Variants in COL11A1 observed in about 807,000 individuals in gnomAD.
COL11A1 encodes collagen type XI alpha 1 chain.
Under a neutral mutation model 265.2 loss-of-function variants are expected in COL11A1, and 74 were observed. The ratio of observed to expected loss-of-function variants is 0.28; its 90% CI spans 0.23 to 0.34. COL11A1 has a LOEUF of 0.34. COL11A1 is among the 10% of genes least tolerant of loss of function. COL11A1 has a pLI of 1.00. For synonymous variants in COL11A1, 816 were observed against 727.6 expected, an observed-to-expected ratio of 1.12 and a Z score of -1.96; for missense variants, 2,165 against 2,263.6, an observed-to-expected ratio of 0.96 and a Z score of 0.88.
At chr1:102,943,333 C>T (rs1379821100) in intron 42 of COL11A1, among the ~76,000 whole-genome samples, 1 of 151,844 alleles carries the variant, frequency 6.6e-6, no homozygotes, top group Non-Finnish European at 1.5e-5. Context: ...ATCCCAGTCT[C>T]TTTATTTCTT....
At chr1:102,977,568 G>A (rs1238849980) in intron 35 of COL11A1, among the ~76,000 whole-genome samples, 2 of 150,226 alleles carry the variant, frequency 1.3e-5, no homozygotes, top group African/African-American at 4.8e-5. Flanking sequence ...ATGCATGAGA[G>A]AATCAGTGGT....
chr1:103,100,646 A>G (rs1382114675), intron 1 of COL11A1: 1 of 151,928 alleles, frequency 6.6e-6, no homozygotes, highest in Non-Finnish European at 1.5e-5. Context: ...TAGCTGCATG[A>G]TGTGTACATT....
chr1:103,058,728 T>G (rs138945786), intron 4 of COL11A1, among the ~76,000 whole-genome samples: 101 of 152,282 alleles, frequency 6.6e-4, no homozygotes, highest in Admixed American at 1.6e-3. Flanking sequence ...GTTGAGCCAG[T>G]TGAGCAGTCA....
At chr1:103,011,744 T>G (rs1343720343) in intron 14 of COL11A1, among the ~76,000 whole-genome samples, 1 of 152,162 alleles carries the variant, frequency 6.6e-6, no homozygotes, top group South Asian at 2.1e-4. Flanking sequence ...AAATTATTTA[T>G]CCATCTATTC....
Position 103,074,277 on chromosome 1 carries a change from C to A in COL11A1, c.651+341G>T, listed in dbSNP as rs192285294. ...CTTGCGCATCTCTCTAAATTAACCT[C>A]CCATAGAATGAAATGAAGAAAATGT... On this transcript the variant is annotated intron_variant, in intron 4 of 66. Coordinates refer to ENST00000370096, the MANE Select transcript of COL11A1 (RefSeq NM_001854.4). Among the ~76,000 whole-genome samples, 7 of 152,134 alleles carry A rather than the reference C, an allele frequency of 4.6e-5. No homozygotes were observed. The East Asian group carries it at 1.4e-3, about 29-fold the overall frequency.
At chr1:103,030,165 A>G (rs1172151248) in intron 5 of COL11A1, among the ~76,000 whole-genome samples, 3 of 152,116 alleles carry the variant, frequency 2.0e-5, no homozygotes, top group African/African-American at 7.2e-5. Context: ...AAACAGGTAA[A>G]TAAAATATCC....
chr1:103,004,662 C>T lies in COL11A1; in HGVS notation c.1846-1G>A. The T allele has an allele frequency of 6.2e-7, 1 of 1,608,562 alleles. No homozygotes were observed. The stretch of plus-strand genomic sequence containing the variant: ...GAGGACCTTGAGGACCTCGTTCACC[C>T]TGTTAAATCAATACAAATAAGATTA... On this transcript the variant is annotated splice_acceptor_variant, in intron 18 of 66. Coordinates refer to ENST00000370096, the MANE Select transcript of COL11A1 (RefSeq NM_001854.4). LOFTEE classifies it high-confidence loss of function.
chr1:102,909,627 A>G (rs1466346342), intron 54 of COL11A1, among the ~76,000 whole-genome samples: 1 of 152,104 alleles, frequency 6.6e-6, no homozygotes, highest in African/African-American at 2.4e-5. Context: ...CTCATGTTTT[A>G]AAATTATATC....
chr1:102,972,634 A>C (rs763272532), intron 36 of COL11A1, among the ~76,000 whole-genome samples: 12 of 152,112 alleles, frequency 7.9e-5, no homozygotes, highest in Non-Finnish European at 1.6e-4. Context: ...AAAAGTAATA[A>C]TTTTTTCATC....
At chr1:102,914,213 C>A in intron 52 of COL11A1, 139 bp downstream of exon 52, 1 of 722,570 alleles carries the variant, frequency 1.4e-6, no homozygotes, top group South Asian at 1.8e-5. Flanking sequence ...CCTGCATTTG[C>A]AATTACTTTT....
chr1:103,106,084 T>C (rs1674668277), intron 1 of COL11A1, among the ~76,000 whole-genome samples: 1 of 152,198 alleles, frequency 6.6e-6, no homozygotes. Context: ...TTATTTGATG[T>C]GGTACTGGGA....
intron 4 of COL11A1, among the ~76,000 whole-genome samples, chr1:103,052,049 C>T (rs111705901): frequency 0.041 from 6,258 of 152,202 alleles, 221 homozygotes; most frequent in African/African-American, 0.092. Flanking sequence ...GTTCCTCCCT[C>T]CCATTACCTC....
chr1:102,914,317 C>T lies in COL11A1; in HGVS notation c.3978+35G>A, dbSNP rs771902447. The stretch of plus-strand genomic sequence containing the variant: ...AATACAGAAATTGGAAACATTCACT[C>T]CAAAATAATTTCTTGATTTTTCCCT... On this transcript the variant is annotated intron_variant, in intron 52 of 66. Coordinates refer to ENST00000370096, the MANE Select transcript of COL11A1 (RefSeq NM_001854.4). 5 of 1,531,686 alleles carry T rather than the reference C, an allele frequency of 3.3e-6. No homozygotes were observed. The Admixed American group carries it at 8.4e-5, about 26-fold the overall frequency. 94.9% of individuals were successfully genotyped at this position (1,531,686 alleles called of 1,614,324 possible). A position where few individuals can be genotyped will look rare whatever the true frequency, so the allele number is the denominator to read the frequency against.
intron 49 of COL11A1, among the ~76,000 whole-genome samples, chr1:102,919,124 C>A (rs1382669424): frequency 1.3e-5 from 2 of 151,412 alleles, no homozygotes; most frequent in African/African-American, 4.8e-5. Flanking sequence ...TTTTCTAGGA[C>A]AACTGAATGG....
intron 50 of COL11A1, 101 bp from the exon 51 acceptor site, chr1:102,914,912 A>T: frequency 1.0e-6 from 1 of 966,112 alleles, no homozygotes; most frequent in Non-Finnish European, 1.6e-6. Flanking sequence ...GGGCCAGAAT[A>T]TATTTTTTTT....
At chr1:102,955,373 T>C (rs1267923997) in intron 41 of COL11A1, among the ~76,000 whole-genome samples, 1 of 152,098 alleles carries the variant, frequency 6.6e-6, no homozygotes, top group African/African-American at 2.4e-5. Flanking sequence ...CATGGGGGGA[T>C]GGTCACATAA....
At chr1:102,957,455 T>C (rs1352480592) in intron 41 of COL11A1, among the ~76,000 whole-genome samples, 1 of 151,986 alleles carries the variant, frequency 6.6e-6, no homozygotes, top group Non-Finnish European at 1.5e-5. Context: ...ATTTATTATT[T>C]CCCTAGCAAT....
In COL11A1 at chr1:102,977,885, C is replaced by T. The variant is rs80344411; in HGVS notation, c.2754+823G>A. On this transcript the variant is annotated intron_variant, in intron 35 of 66. Coordinates refer to ENST00000370096, the MANE Select transcript of COL11A1 (RefSeq NM_001854.4). ...CCCATTTTCGTCACAAATAAAAACT[C>T]AAGTTTTGCTCATTGCTCCTACTCA... Among the ~76,000 whole-genome samples the T allele has an allele frequency of 9.2e-3, 1,395 of 152,122 alleles. 21 individuals are homozygous for T. Among genetic ancestry groups the T allele is most frequent in the African/African-American group, 0.032 (1,328 of 41,524 alleles).
At chr1:102,926,619 T>C (rs1206109084) in intron 46 of COL11A1, among the ~76,000 whole-genome samples, 3 of 152,176 alleles carry the variant, frequency 2.0e-5, no homozygotes, top group African/African-American at 7.2e-5. Context: ...CTTTTTTAAA[T>C]GAATTGATTT....
Sources: allele counts gnomAD v4.1 joint callset (sites outside exome capture counted in the v4.1 genomes callset), GRCh38; gene constraint gnomAD v4.1.1; transcripts MANE v1.5; gene names NCBI Gene and HGNC (gene_info 2026-07-23, HGNC 2026-07-21).